Variants in CD81 observed in about 807,000 individuals in gnomAD.
The protein encoded by CD81 is CD81 antigen.
Under a neutral mutation model 30.1 loss-of-function variants are expected in CD81, and 10 were observed. The observed-to-expected ratio is 0.33, with a 90% CI of 0.21 to 0.56. The LOEUF (loss-of-function observed/expected upper bound fraction) is 0.56. CD81 is among the 20% of genes least tolerant of loss of function. The probability of loss-of-function intolerance (pLI) is 0.89; values close to 1 mark genes in which losing one functional copy is unlikely to be tolerated. For synonymous variants in CD81, 147 were observed against 126.4 expected (o/e 1.16, Z -1.10); for missense variants, 263 against 308.7 (o/e 0.85, Z 1.11).
chr11:2,396,864 T>C lies in CD81; in HGVS notation c.709T>C (p.Ter237ArgextTer16), dbSNP rs763837703. The change falls in exon 8 of 8, where the codon TGA becomes CGA. Residue 237 changes from the stop codon to arginine (R), a stop_lost. Coordinates refer to ENST00000263645, the MANE Select transcript of CD81 (RefSeq NM_004356.4). Reference sequence around the variant, plus strand: ...TGGCATCCGGAACAGCTCCGTGTACTGAGGCCCCGCAGCTCTGGCCACAGG... The same window carrying C: ...TGGCATCCGGAACAGCTCCGTGTACCGAGGCCCCGCAGCTCTGGCCACAGG... ...CCGIRNSSVY[*>R] is the part of the protein sequence containing the mutation. 6.2e-7 allele frequency: 1 copy of C among 1,612,644 alleles called. No homozygotes were observed. Among genetic ancestry groups the C allele is most frequent in the Non-Finnish European group, 8.5e-7 (1 of 1,179,974 alleles).
chr11:2,394,262 G>T, intron 3 of CD81, 70 bp downstream of exon 3: 1 of 1,017,192 alleles, frequency 9.8e-7, no homozygotes, highest in East Asian at 2.5e-5. Context: ...CCTGAGGAGG[G>T]GGCAGAGCTG....
intron 2 of CD81, chr11:2,393,426 C>G (rs1308730732): frequency 1.2e-5 from 2 of 164,282 alleles, no homozygotes; most frequent in African/African-American, 4.8e-5. Flanking sequence ...GTCCAGCTGT[C>G]CCAGGTGGGG....
chr11:2,393,602 G>T, intron 2 of CD81: 1 of 491,298 alleles, frequency 2.0e-6, no homozygotes, highest in Non-Finnish European at 3.7e-6. Context: ...ACCACACTGG[G>T]GAGGCAGCAT....
At chr11:2,385,960 T>G (rs1849790540) in intron 1 of CD81, 2 of 691,394 alleles carry the variant, frequency 2.9e-6, no homozygotes, top group South Asian at 3.1e-5. Flanking sequence ...TGGGTTTCAC[T>G]GCTTAAGCAG....
At chr11:2,395,567 G>C in intron 5 of CD81, 47 bp downstream of exon 5, 1 of 1,450,656 alleles carries the variant, frequency 6.9e-7, no homozygotes, top group Non-Finnish European at 9.7e-7. Flanking sequence ...CCGGGAACCC[G>C]GCGGGGTGTG....
At chr11:2,396,506 G>A (rs1247956404) in intron 6 of CD81, 122 bp from the exon 7 acceptor site, 5 of 872,168 alleles carry the variant, frequency 5.7e-6, no homozygotes, top group South Asian at 1.3e-5. Flanking sequence ...GGTAGGGGGT[G>A]GGGGGCTGTT....
chr11:2,390,369 C>A, intron 1 of CD81, 43 bp from the exon 2 acceptor site: 3 of 1,452,286 alleles, frequency 2.1e-6, no homozygotes, highest in Non-Finnish European at 2.9e-6. Context: ...CTCCCTGCTG[C>A]AGTGCTCTTC....
intron 2 of CD81, chr11:2,391,211 T>C (rs1372065588): frequency 6.2e-6 from 1 of 161,152 alleles, no homozygotes; most frequent in African/African-American, 2.4e-5. Flanking sequence ...CTGGGAGCAT[T>C]TGTTGAGATG....
At chr11:2,386,983 A>G (rs1849809997) in intron 1 of CD81, among the ~76,000 whole-genome samples, 1 of 152,244 alleles carries the variant, frequency 6.6e-6, no homozygotes, top group African/African-American at 2.4e-5. Flanking sequence ...TTCCCAGAGC[A>G]CAGCAAGAAG....
chr11:2,391,474 C>T (rs967439501), intron 2 of CD81: 4 of 152,294 alleles, frequency 2.6e-5, no homozygotes, highest in Non-Finnish European at 5.9e-5. Context: ...CCAGTCACCC[C>T]AGGGCCAGGT....
chr11:2,378,029 G>A lies in CD81; in HGVS notation c.66+414G>A, dbSNP rs1194238980. 1 of 152,242 alleles carries A rather than the reference G, an allele frequency of 6.6e-6. No individual in the cohort carries two copies. Among genetic ancestry groups the A allele is most frequent in the Non-Finnish European group, 1.5e-5 (1 of 68,156 alleles). 9.4% of individuals were successfully genotyped at this position (152,242 alleles called of 1,614,324 possible). The stretch of plus-strand genomic sequence containing the variant: ...TCGCGGGGACGAGGGGGGGGCTCGC[G>A]GGCGGGACTCCTGGCGCCCCGCCCC... On this transcript the variant is annotated intron_variant, in intron 1 of 7. Coordinates refer to ENST00000263645, the MANE Select transcript of CD81 (RefSeq NM_004356.4). This position sits in a 1 kb window ranked among gnomAD's most constrained non-coding sequence, Gnocchi z 4.9.
chr11:2,395,357 G>A (rs939365888), intron 4 of CD81, 59 bp from the exon 5 acceptor site: 45 of 1,376,790 alleles, frequency 3.3e-5, no homozygotes, highest in Non-Finnish European at 3.7e-5. Flanking sequence ...GGGGCGGGGC[G>A]GGGTGGGGGC....
intron 5 of CD81, 163 bp from the exon 6 acceptor site, chr11:2,395,706 G>T (rs113873912): frequency 1.3e-6 from 1 of 751,554 alleles, no homozygotes; most frequent in South Asian, 1.5e-5. Context: ...CCCAGGGTGC[G>T]GAAAGCTCTG....
chr11:2,386,336 A>C (rs1849797739), intron 1 of CD81: 2 of 621,446 alleles, frequency 3.2e-6, no homozygotes, highest in Non-Finnish European at 5.8e-6. Context: ...GGTCTTTCGG[A>C]GAGCAGGTGT....
intron 1 of CD81, among the ~76,000 whole-genome samples, chr11:2,388,020 G>A (rs2283148): frequency 0.72 from 109,962 of 152,028 alleles, 40,439 homozygotes; most frequent in Non-Finnish European, 0.81. Context: ...TGAGAGCCCC[G>A]TGGCTGCTGG....
At chr11:2,376,457 C>T (rs992273283), upstream of CD81, 2 of 152,246 alleles carry the variant, frequency 1.3e-5, no homozygotes, top group Non-Finnish European at 2.9e-5. Flanking sequence ...AAGGCCTTCG[C>T]TCCTTCCTCT....
At chr11:2,394,361 T>C (rs903239928) in intron 3 of CD81, among the ~76,000 whole-genome samples, 169 bp downstream of exon 3, 9 of 152,218 alleles carry the variant, frequency 5.9e-5, no homozygotes, top group African/African-American at 1.9e-4. Context: ...CCCACCGTGC[T>C]TGGTCTCCAT....
intron 1 of CD81, among the ~76,000 whole-genome samples, chr11:2,388,881 G>A (rs1008382243): frequency 8.5e-5 from 13 of 152,202 alleles, no homozygotes; most frequent in African/African-American, 2.7e-4. Context: ...GATGGTGGCC[G>A]CACTTGTGGG....
In CD81 at chr11:2,390,429, C is replaced by T. The variant is rs1849877751; in HGVS notation, c.84C>T (p.Ile28=). 18 of 1,612,730 alleles carry T rather than the reference C, an allele frequency of 1.1e-5. No homozygotes were observed. Among genetic ancestry groups the T allele is most frequent in the Non-Finnish European group, 1.4e-5 (17 of 1,179,850 alleles). Residue 28 remains isoleucine, a synonymous_variant, in exon 2 of 8, where the codon ATC becomes ATT. Coordinates refer to ENST00000263645, the MANE Select transcript of CD81 (RefSeq NM_004356.4). ...NFVFWLAGGV[I]LGVALWLRHD... ...TTTCCCAGCTGGCTGGAGGCGTGAT[C>T]CTGGGTGTGGCCCTGTGGCTCCGCC...
Sources: gnomAD v4.1 joint callset for allele counts (sites outside exome capture counted in the v4.1 genomes callset) on GRCh38, gnomAD v4.1.1 for gene constraint, Gnocchi (gnomAD v3.1) non-coding constraint, MANE v1.5 for transcripts, NCBI Gene and HGNC (gene_info 2026-07-23, HGNC 2026-07-21) for gene names.